Variants in MAGI1 observed in about 807,000 individuals in gnomAD.
MAGI1 encodes membrane-associated guanylate kinase, WW and PDZ domain-containing protein 1.
In MAGI1, 58 loss-of-function variants were observed where a neutral mutation model predicts 139.9. The observed-to-expected ratio is 0.41, with a 90% confidence interval of 0.34 to 0.52. The LOEUF (loss-of-function observed/expected upper bound fraction) is 0.52. Ranked by LOEUF, MAGI1 falls within the 20% of genes least tolerant of loss-of-function variation. MAGI1 has a pLI of 0.12. For missense variants in MAGI1, 1,874 were observed against 1,901.6 expected (o/e 0.99, Z 0.27); for synonymous variants, 812 against 737.9 (o/e 1.10, Z -1.63).
At chr3:65,869,431 T>C (rs984392831) in intron 1 of MAGI1, among the ~76,000 whole-genome samples, 26 of 150,398 alleles carry the variant, frequency 1.7e-4, no homozygotes, top group East Asian at 6.0e-4. Context: ...GACAGAGTCT[T>C]GCTCTCTCAC....
At chr3:65,991,293 A>T (rs2066158547) in intron 1 of MAGI1, among the ~76,000 whole-genome samples, 1 of 134,040 alleles carries the variant, frequency 7.5e-6, no homozygotes, top group Non-Finnish European at 1.6e-5. Context: ...CTGTCTAAAA[A>T]AAAAAAAAAA....
At chr3:65,489,155 C>A (rs1315700669) in intron 3 of MAGI1, among the ~76,000 whole-genome samples, 2 of 152,144 alleles carry the variant, frequency 1.3e-5, no homozygotes, top group African/African-American at 4.8e-5. Context: ...ATAGAACCTA[C>A]CTCATAGGCT....
intron 13 of MAGI1, 60 bp downstream of exon 13, chr3:65,401,379 T>G: frequency 7.0e-6 from 3 of 427,356 alleles, no homozygotes; most frequent in Non-Finnish European, 1.2e-5. Flanking sequence ...CCCTCCCACC[T>G]CCAGCCCCCC....
At chr3:65,745,872 G>A (rs2372069) in intron 1 of MAGI1, among the ~76,000 whole-genome samples, 10,836 of 152,094 alleles carry the variant, frequency 0.071, 509 homozygotes, top group Middle Eastern at 0.17. Context: ...GGGATTACAC[G>A]TGTGCACTAT....
intron 1 of MAGI1, among the ~76,000 whole-genome samples, chr3:65,716,927 T>C (rs2032324569): frequency 6.6e-6 from 1 of 152,062 alleles, no homozygotes. Context: ...AAAATATTGG[T>C]GAATGTTGTA....
chr3:65,854,955 C>T (rs1201084196), intron 1 of MAGI1, among the ~76,000 whole-genome samples: 1 of 152,188 alleles, frequency 6.6e-6, no homozygotes, highest in Non-Finnish European at 1.5e-5. Flanking sequence ...TCTACAGGGA[C>T]AAGGAAGGTA....
intron 1 of MAGI1, among the ~76,000 whole-genome samples, chr3:65,981,650 G>A (rs536066015): frequency 2.6e-5 from 4 of 152,248 alleles, no homozygotes; most frequent in South Asian, 4.1e-4. Flanking sequence ...GGAGGCACCC[G>A]GTGGGAGATA....
intron 2 of MAGI1, among the ~76,000 whole-genome samples, chr3:65,543,206 A>G (rs980181850): frequency 6.6e-6 from 1 of 152,256 alleles, no homozygotes; most frequent in Non-Finnish European, 1.5e-5. Context: ...ATGAGATACC[A>G]TCTCACGCCA....
intron 1 of MAGI1, chr3:66,009,259 T>C (rs937296079): frequency 6.6e-6 from 1 of 152,328 alleles, no homozygotes; most frequent in Non-Finnish European, 1.5e-5. Flanking sequence ...CTCACGCCTA[T>C]AATCCCAGCA....
intron 1 of MAGI1, among the ~76,000 whole-genome samples, chr3:66,018,488 T>G (rs963421182): frequency 1.8e-4 from 28 of 152,036 alleles, no homozygotes; most frequent in Admixed American, 1.2e-3. Context: ...ATGCAGAAAC[T>G]GAGGCACAGA....
intron 10 of MAGI1, among the ~76,000 whole-genome samples, chr3:65,431,661 C>A (rs995554523): frequency 6.6e-6 from 1 of 152,054 alleles, no homozygotes; most frequent in East Asian, 1.9e-4. Context: ...CTAACAGTAG[C>A]CACACAGCTC....
At chr3:65,676,247 C>T (rs2087182699) in intron 1 of MAGI1, among the ~76,000 whole-genome samples, 1 of 152,124 alleles carries the variant, frequency 6.6e-6, no homozygotes, top group Non-Finnish European at 1.5e-5. Flanking sequence ...TCACACATGA[C>T]AATGATGAGG....
intron 1 of MAGI1, among the ~76,000 whole-genome samples, chr3:65,817,383 T>A (rs896572736): frequency 2.0e-5 from 3 of 152,206 alleles, no homozygotes; most frequent in Non-Finnish European, 4.4e-5. Flanking sequence ...ATAATTTTAT[T>A]ATATTCTGAA....
intron 1 of MAGI1, among the ~76,000 whole-genome samples, chr3:65,703,524 T>G (rs1435816529): frequency 6.6e-6 from 1 of 152,200 alleles, no homozygotes; most frequent in African/African-American, 2.4e-5. Context: ...TGATGGATCT[T>G]CCAGCCAGGA....
chr3:65,463,194 A>G (rs1252329094), intron 5 of MAGI1, among the ~76,000 whole-genome samples: 1 of 152,198 alleles, frequency 6.6e-6, no homozygotes, highest in Non-Finnish European at 1.5e-5. Context: ...TTCAACGGGA[A>G]TGCTTCCAGC....
At chr3:65,407,594 A>G (rs1945457569) in intron 12 of MAGI1, among the ~76,000 whole-genome samples, 1 of 152,218 alleles carries the variant, frequency 6.6e-6, no homozygotes, top group Non-Finnish European at 1.5e-5. Context: ...AATAATAATG[A>G]TATAAGACAT....
chr3:65,925,179 G>C (rs1446520519), intron 1 of MAGI1: 1 of 152,108 alleles, frequency 6.6e-6, no homozygotes, highest in Non-Finnish European at 1.5e-5. Context: ...AGATGGCTGA[G>C]GAAGAAAAAA....
intron 3 of MAGI1, among the ~76,000 whole-genome samples, chr3:65,490,506 G>A (rs1238316690): frequency 6.6e-6 from 1 of 152,080 alleles, no homozygotes; most frequent in Non-Finnish European, 1.5e-5. Context: ...TTGGCTCTCA[G>A]CTTTTAAGAG....
chr3:65,421,094 T>C (rs1946605363), intron 12 of MAGI1, among the ~76,000 whole-genome samples: 1 of 152,300 alleles, frequency 6.6e-6, no homozygotes, highest in African/African-American at 2.4e-5. Flanking sequence ...AAAGACAGAA[T>C]CAAAATAGAA....
Sources: gnomAD v4.1 joint callset for allele counts (sites outside exome capture counted in the v4.1 genomes callset) on GRCh38, gnomAD v4.1.1 for gene constraint, MANE v1.5 for transcripts, NCBI Gene and HGNC (gene_info 2026-07-23, HGNC 2026-07-21) for gene names.